The following PRKN variants were observed in gnomAD, a reference collection of about 807,000 sequenced individuals.
PRKN encodes parkin RBR E3 ubiquitin protein ligase.
In PRKN, 56 loss-of-function variants were observed where a neutral mutation model predicts 59.5. The ratio of observed to expected loss-of-function variants is 0.94; its 90% confidence interval spans 0.76 to 1.18. PRKN has a LOEUF of 1.18. PRKN is among the 50% of genes most tolerant of loss of function. The pLI is 0.00. For missense variants in PRKN, 657 were observed against 596.4 expected (o/e 1.10, Z -1.06); for synonymous variants, 250 against 222.1 (o/e 1.13, Z -1.12).
chr6:161,838,688 C>A (rs1258735505), intron 6 of PRKN, among the ~76,000 whole-genome samples: 2 of 152,200 alleles, frequency 1.3e-5, no homozygotes, highest in African/African-American at 4.8e-5. Context: ...GAACTGTCCC[C>A]GTCCCACTGC....
At chr6:162,365,060 T>C (rs1308952637) in intron 2 of PRKN, among the ~76,000 whole-genome samples, 3 of 151,312 alleles carry the variant, frequency 2.0e-5, no homozygotes, top group Non-Finnish European at 4.4e-5. Flanking sequence ...TTTCTAAATA[T>C]ACTTTACTAA....
intron 4 of PRKN, among the ~76,000 whole-genome samples, chr6:162,148,198 C>A (rs1782110720): frequency 6.6e-6 from 1 of 152,140 alleles, no homozygotes; most frequent in Non-Finnish European, 1.5e-5. Context: ...AGAGAATGTG[C>A]TGATGAGTAA....
At chr6:161,507,592 G>A (rs761105354) in intron 9 of PRKN, among the ~76,000 whole-genome samples, 6 of 152,136 alleles carry the variant, frequency 3.9e-5, no homozygotes, top group African/African-American at 7.2e-5. Context: ...TCTCGGCCCA[G>A]CACGCAGCTG....
chr6:162,620,025 C>T (rs1782597535), intron 1 of PRKN, among the ~76,000 whole-genome samples: 1 of 144,054 alleles, frequency 6.9e-6, no homozygotes, highest in Non-Finnish European at 1.5e-5. Flanking sequence ...ACATATTAGA[C>T]ATACCAAAAT....
At chr6:161,960,287 A>G (rs949872070) in intron 6 of PRKN, among the ~76,000 whole-genome samples, 6 of 152,252 alleles carry the variant, frequency 3.9e-5, no homozygotes, top group African/African-American at 1.2e-4. Context: ...CTGTACACAC[A>G]GTCTGGCTTC....
chr6:162,259,972 C>G (rs950285897), intron 3 of PRKN, among the ~76,000 whole-genome samples: 3 of 152,280 alleles, frequency 2.0e-5, no homozygotes, highest in Non-Finnish European at 4.4e-5. Context: ...TGTAGTTTAG[C>G]TGTTAGTTTA....
At position 161,388,052 on chromosome 6, in the gene PRKN, G is replaced by A. The variant is rs551596730; in HGVS notation, c.1084-1175C>T. On this transcript the variant is annotated intron_variant, in intron 9 of 11. Transcript: ENST00000366898. This position sits in a 1 kb window ranked among gnomAD's most constrained non-coding sequence, Gnocchi z 4.3. ...TGTCTGGGATCCATGGACCTCTCCTGAAAGCACGTCCCATTCTCATCGCCA... is the reference window on the plus strand; with the variant it reads ...TGTCTGGGATCCATGGACCTCTCCTAAAAGCACGTCCCATTCTCATCGCCA... Among the ~76,000 whole-genome samples the A allele has an allele frequency of 2.9e-4, 44 of 152,280 alleles. No individual in the cohort carries two copies. In the South Asian group the frequency reaches 5.2e-3, roughly 18 times the overall value.
At chr6:162,183,785 C>T (rs1783903652) in intron 4 of PRKN, among the ~76,000 whole-genome samples, 1 of 152,076 alleles carries the variant, frequency 6.6e-6, no homozygotes, top group East Asian at 1.9e-4. Context: ...AGTATGCCGC[C>T]CCTCGATCCC....
In PRKN at chr6:161,552,998, C is replaced by A. The variant is rs1780098269; in HGVS notation, c.934-3995G>T. 6.6e-6 allele frequency among the ~76,000 whole-genome samples: 1 copy of A among 151,898 alleles called. No homozygotes were observed. Among genetic ancestry groups the A allele is most frequent in the African/African-American group, 2.4e-5 (1 of 41,364 alleles). ...TAGAGACGGGGTTTCACCATGTTGG[C>A]CAGGATGATCTCGATCTCCTGACCT... On this transcript the variant is annotated intron_variant, in intron 8 of 11. Transcript: ENST00000366898. The surrounding 1 kb of genome is among the most constrained non-coding windows in gnomAD (Gnocchi z 4.9).
chr6:162,204,856 T>C (rs1024432603), intron 3 of PRKN, among the ~76,000 whole-genome samples: 9 of 149,364 alleles, frequency 6.0e-5, no homozygotes, highest in African/African-American at 4.9e-5. Flanking sequence ...TTCTTCTTCT[T>C]TTTTTTTTTT....
intron 9 of PRKN, among the ~76,000 whole-genome samples, chr6:161,416,532 C>G (rs1268259758): frequency 6.6e-6 from 1 of 152,074 alleles, no homozygotes; most frequent in Non-Finnish European, 1.5e-5. Flanking sequence ...CCCATCAGCT[C>G]TCGGCATCCA....
intron 3 of PRKN, among the ~76,000 whole-genome samples, chr6:162,226,084 AT>A (rs1778164730): frequency 8.7e-6 from 1 of 114,348 alleles, no homozygotes; most frequent in Non-Finnish European, 1.7e-5. Context: ...AATAATAATA[AT>A]AATAATAATA....
intron 4 of PRKN, among the ~76,000 whole-genome samples, chr6:162,188,302 C>A (rs1784113835): frequency 6.6e-6 from 1 of 152,182 alleles, no homozygotes; most frequent in African/African-American, 2.4e-5. Flanking sequence ...TTTCCAGTGG[C>A]TCAACACGTC....
intron 10 of PRKN, among the ~76,000 whole-genome samples, chr6:161,382,840 T>C (rs578012115): frequency 8.5e-5 from 13 of 152,260 alleles, no homozygotes; most frequent in African/African-American, 2.6e-4. Context: ...GTCTAACTGA[T>C]AGGAAAAGCT....
intron 2 of PRKN, among the ~76,000 whole-genome samples, chr6:162,268,308 G>A (rs1780224659): frequency 6.6e-6 from 1 of 152,132 alleles, no homozygotes; most frequent in African/African-American, 2.4e-5. Context: ...CTTCATGAAT[G>A]GGATTAGTGC....
At chr6:161,506,317 GCTCT>G (rs1356681186) in intron 9 of PRKN, among the ~76,000 whole-genome samples, 1 of 152,070 alleles carries the variant, frequency 6.6e-6, no homozygotes, top group East Asian at 1.9e-4. Flanking sequence ...TCATGATTTG[GCTCT>G]CTGTTTGTCT....
At chr6:162,454,796 T>TC (rs1336345393) in intron 1 of PRKN, among the ~76,000 whole-genome samples, 39 of 152,136 alleles carry the variant, frequency 2.6e-4, no homozygotes, top group African/African-American at 8.9e-4. Flanking sequence ...ACACTCAATC[T>TC]CCCCCACGGT....
At chr6:161,767,268 C>T (rs1269338660) in intron 7 of PRKN, among the ~76,000 whole-genome samples, 1 of 152,162 alleles carries the variant, frequency 6.6e-6, no homozygotes, top group African/African-American at 2.4e-5. Context: ...AATCCCAGCA[C>T]TTTGGGAGGC....
At chr6:162,183,491 A>G (rs1378885055) in intron 4 of PRKN, among the ~76,000 whole-genome samples, 1 of 152,200 alleles carries the variant, frequency 6.6e-6, no homozygotes, top group Non-Finnish European at 1.5e-5. Context: ...TTCTCTGTGT[A>G]AGAAAGTCAC....
Sources: allele counts gnomAD v4.1 joint callset (sites outside exome capture counted in the v4.1 genomes callset), GRCh38; gene constraint gnomAD v4.1.1; non-coding constraint Gnocchi (gnomAD v3.1); transcripts MANE v1.5; gene names NCBI Gene and HGNC (gene_info 2026-07-23, HGNC 2026-07-21).